Variants in TBC1D32 observed in about 807,000 individuals in gnomAD.
The protein encoded by TBC1D32 is protein broad-minded.
A neutral mutation model predicts 170.3 loss-of-function variants in TBC1D32; 151 were observed. The ratio of observed to expected loss-of-function variants is 0.89; its 90% confidence interval spans 0.78 to 1.01. The LOEUF (loss-of-function observed/expected upper bound fraction) is 1.01. Among genes scored for constraint, TBC1D32 ranks in the 50% least tolerant of loss-of-function variants. The probability of loss-of-function intolerance (pLI) is 0.00; values close to 1 mark genes in which losing one functional copy is unlikely to be tolerated. For synonymous variants in TBC1D32, 498 were observed against 488.0 expected (o/e 1.02, Z -0.27); for missense variants, 1,464 against 1,457.1 (o/e 1.00, Z -0.08).
At position 121,295,916 on chromosome 6, in the gene TBC1D32, CTCA is replaced by C. The variant is rs375616192; in HGVS notation, c.1141-1259_1141-1257del. On this transcript the variant is annotated intron_variant, in intron 10 of 31. Coordinates refer to ENST00000398212, the MANE Select transcript of TBC1D32 (RefSeq NM_152730.6). Reference sequence around the variant, plus strand: ...TAGGAACTTGGATTTCAGGAGGGCTCTCATCATTCTGAGAACTGAGAATGGCTG... The same window carrying C: ...TAGGAACTTGGATTTCAGGAGGGCTCTCATTCTGAGAACTGAGAATGGCTG... Among the ~76,000 whole-genome samples, 700 of 152,180 alleles carry C rather than the reference CTCA, an allele frequency of 4.6e-3. 7 individuals are homozygous for C. The highest frequency in any genetic ancestry group is 0.037 in the South Asian group (179 of 4,806).
chr6:121,257,708 C>T (rs1297191483), intron 15 of TBC1D32, among the ~76,000 whole-genome samples: 1 of 151,990 alleles, frequency 6.6e-6, no homozygotes, highest in Non-Finnish European at 1.5e-5. Context: ...GTTTTAGTGC[C>T]TTTTCAAACC....
intron 15 of TBC1D32, 58 bp from the exon 16 acceptor site, chr6:121,256,343 C>G (rs931892372): frequency 6.9e-7 from 1 of 1,451,052 alleles, no homozygotes; most frequent in African/African-American, 1.4e-5. Context: ...CTTCATAAAG[C>G]TCTACCAAAA....
At chr6:121,322,765 T>A (rs77842242) in intron 1 of TBC1D32, among the ~76,000 whole-genome samples, 2,683 of 152,300 alleles carry the variant, frequency 0.018, 28 homozygotes, top group South Asian at 0.041. Context: ...TTATAAATAC[T>A]TGTTAGGTTG....
intron 24 of TBC1D32, among the ~76,000 whole-genome samples, chr6:121,136,983 A>G (rs2128222156): frequency 6.6e-6 from 1 of 152,236 alleles, no homozygotes; most frequent in South Asian, 2.1e-4. Flanking sequence ...TTAAAAGTAT[A>G]TGCATGTGTA....
chr6:121,115,060 C>A, intron 27 of TBC1D32, 112 bp downstream of exon 27: 2 of 710,962 alleles, frequency 2.8e-6, no homozygotes, highest in South Asian at 3.4e-5. Context: ...ATAAACTCTG[C>A]ATTTAAAGTA....
intron 29 of TBC1D32, among the ~76,000 whole-genome samples, chr6:121,110,281 A>ATAT (rs550142853): frequency 6.7e-6 from 1 of 149,360 alleles, no homozygotes; most frequent in Non-Finnish European, 1.5e-5. Flanking sequence ...TATATATATA[A>ATAT]AAATATATAA....
At chr6:121,289,144 G>A (rs1804388529) in intron 12 of TBC1D32, among the ~76,000 whole-genome samples, 2 of 152,222 alleles carry the variant, frequency 1.3e-5, no homozygotes, top group Admixed American at 6.5e-5. Flanking sequence ...AGTGTTGGAA[G>A]TTCTGGCAAG....
At chr6:121,275,873 C>A (rs1351488708) in intron 15 of TBC1D32, among the ~76,000 whole-genome samples, 1 of 151,764 alleles carries the variant, frequency 6.6e-6, no homozygotes, top group South Asian at 2.1e-4. Flanking sequence ...ACCTGTAATC[C>A]CAGCACTTGG....
At chr6:121,102,114 C>T (rs1234959618) in intron 30 of TBC1D32, among the ~76,000 whole-genome samples, 4 of 152,098 alleles carry the variant, frequency 2.6e-5, no homozygotes, top group South Asian at 2.1e-4. Flanking sequence ...AAAGAACATT[C>T]CATGCTCATG....
At chr6:121,172,969 C>T (rs1057341044) in intron 22 of TBC1D32, among the ~76,000 whole-genome samples, 3 of 152,006 alleles carry the variant, frequency 2.0e-5, no homozygotes, top group African/African-American at 7.3e-5. Context: ...CTCACACTGA[C>T]GAAGGGTGGA....
chr6:121,328,118 A>G (rs1294102965), intron 1 of TBC1D32, among the ~76,000 whole-genome samples: 1 of 152,074 alleles, frequency 6.6e-6, no homozygotes, highest in Non-Finnish European at 1.5e-5. Context: ...ACATATTCCA[A>G]TTGTGCTTAA....
At chr6:121,170,550 C>T (rs773357202) in intron 22 of TBC1D32, 37 of 1,474,904 alleles carry the variant, frequency 2.5e-5, no homozygotes, top group South Asian at 3.0e-5. Flanking sequence ...GAAAAATAAA[C>T]GTAGATTGTG....
chr6:121,172,288 T>C (rs1262456983), intron 22 of TBC1D32, among the ~76,000 whole-genome samples: 5 of 152,114 alleles, frequency 3.3e-5, no homozygotes, highest in Non-Finnish European at 5.9e-5. Context: ...AATTTTGGGC[T>C]CCTCCTACCT....
chr6:121,265,960 C>A lies in TBC1D32; in HGVS notation c.1734-9675G>T, dbSNP rs1800419970. 1.3e-5 allele frequency among the ~76,000 whole-genome samples: 2 copies of A among 152,042 alleles called. 1 individual carries two copies. The highest frequency in any genetic ancestry group is 4.1e-4 in the South Asian group (2 of 4,826). ...AAAGACTTGAATGCAAAACTCAAAACCATAAAACCACAGAAGAAAACCTAG... is the reference window on the plus strand; with the variant it reads ...AAAGACTTGAATGCAAAACTCAAAAACATAAAACCACAGAAGAAAACCTAG... On this transcript the variant is annotated intron_variant, in intron 15 of 31. Coordinates refer to ENST00000398212, the MANE Select transcript of TBC1D32 (RefSeq NM_152730.6).
intron 1 of TBC1D32, among the ~76,000 whole-genome samples, chr6:121,330,771 G>T (rs1811117210): frequency 6.6e-6 from 1 of 152,086 alleles, no homozygotes; most frequent in Non-Finnish European, 1.5e-5. Flanking sequence ...CCCCCAGATG[G>T]TTCCAGTGCA....
chr6:121,215,495 G>A (rs982445621), intron 21 of TBC1D32, among the ~76,000 whole-genome samples: 4 of 152,190 alleles, frequency 2.6e-5, no homozygotes, highest in African/African-American at 9.7e-5. Flanking sequence ...TGCGACAAGA[G>A]CAAAAATTCA....
chr6:121,131,135 T>C (rs76207245), intron 25 of TBC1D32, among the ~76,000 whole-genome samples: 2,228 of 152,108 alleles, frequency 0.015, 68 homozygotes, highest in African/African-American at 0.051. Flanking sequence ...ATTTAAAAAA[T>C]GATGATTTCA....
At position 121,244,953 on chromosome 6, in the gene TBC1D32, C is replaced by A. The variant is rs1157822971; in HGVS notation, c.2019-2614G>T. Among the ~76,000 whole-genome samples the A allele has an allele frequency of 4.6e-5, 7 of 152,228 alleles. No homozygotes were observed. The East Asian group carries it at 1.3e-3, about 29-fold the overall frequency. On this transcript the variant is annotated intron_variant, in intron 17 of 31. Transcript: ENST00000398212. ...AAAGCAAACTTAAAACTCACTGCTA[C>A]TATCACAGCTGGTACTCCTCTTGCA...
At chr6:121,308,236 T>C (rs1583680308) in intron 4 of TBC1D32, 135 bp from the exon 5 acceptor site, 2 of 852,804 alleles carry the variant, frequency 2.3e-6, no homozygotes, top group Admixed American at 3.0e-5. Context: ...GATGCCTTTA[T>C]ATTAAAAAGC....
Sources: allele counts gnomAD v4.1 joint callset (sites outside exome capture counted in the v4.1 genomes callset), GRCh38; gene constraint gnomAD v4.1.1; transcripts MANE v1.5; gene names NCBI Gene and HGNC (gene_info 2026-07-23, HGNC 2026-07-21).